The following UGGT2 variants were observed in gnomAD, a reference collection of about 807,000 sequenced individuals.
UGGT2 encodes UDP-glucose:glycoprotein glucosyltransferase 2.
Under a neutral mutation model 192.1 loss-of-function variants are expected in UGGT2, and 180 were observed. The observed-to-expected ratio is 0.94, with a 90% confidence interval of 0.83 to 1.06. UGGT2 has a LOEUF of 1.06. UGGT2 is among the 50% of genes least tolerant of loss of function. The probability of loss-of-function intolerance (pLI) is 0.00; values close to 1 mark genes in which losing one functional copy is unlikely to be tolerated. For synonymous variants in UGGT2, 580 were observed against 591.0 expected, an observed-to-expected ratio of 0.98 and a Z score of 0.27; for missense variants, 1,849 against 1,795.7, an observed-to-expected ratio of 1.03 and a Z score of -0.54.
chr13:95,945,785 A>G (rs1005991421), intron 15 of UGGT2, among the ~76,000 whole-genome samples: 6 of 152,148 alleles, frequency 3.9e-5, no homozygotes, highest in Admixed American at 6.5e-5. Context: ...CATAATATTG[A>G]TGCATATTCC....
chr13:95,890,885 G>A lies in UGGT2; in HGVS notation c.2935C>T (p.Gln979Ter). ...AIVDPLTREAQKMAQLLVVLG... is the reference protein window; with the variant it reads ...AIVDPLTREA ...ACAACCAACAACTGTGCCATTTTCT[G>A]TGCTTCTCTTGTTAATGGATCAACA... Residue 979 changes from glutamine to a stop codon, truncating the protein, a stop_gained, in exon 25 of 39, where the codon CAG becomes TAG. Transcript: ENST00000376747. LOFTEE classifies it high-confidence loss of function. The A allele has an allele frequency of 6.2e-7, 1 of 1,612,412 alleles. No individual in the cohort carries two copies. Among genetic ancestry groups the A allele is most frequent in the Non-Finnish European group, 8.5e-7 (1 of 1,179,198 alleles).
chr13:95,837,591 C>T (rs1298112997), intron 36 of UGGT2, among the ~76,000 whole-genome samples: 1 of 152,194 alleles, frequency 6.6e-6, no homozygotes, highest in Non-Finnish European at 1.5e-5. Context: ...GGTGAATTTT[C>T]ATCTCCCCAT....
At chr13:95,940,473 T>G (rs76943289) in intron 15 of UGGT2, among the ~76,000 whole-genome samples, 4 of 149,004 alleles carry the variant, frequency 2.7e-5, no homozygotes, top group Admixed American at 6.7e-5. Flanking sequence ...TTTTTTTTTT[T>G]GAGACAGGGT....
At chr13:95,816,013 G>T (rs1884852012) in intron 38 of UGGT2, among the ~76,000 whole-genome samples, 1 of 152,136 alleles carries the variant, frequency 6.6e-6, no homozygotes, top group African/African-American at 2.4e-5. Context: ...TTCCTCCAAT[G>T]TAAGACACCT....
At chr13:95,811,052 G>C (rs995540886) in intron 38 of UGGT2, among the ~76,000 whole-genome samples, 3 of 152,266 alleles carry the variant, frequency 2.0e-5, no homozygotes, top group South Asian at 4.2e-4. Flanking sequence ...AAACCACAGT[G>C]AGATACTACT....
At chr13:96,044,159 C>G (rs1049098098) in intron 1 of UGGT2, among the ~76,000 whole-genome samples, 1 of 152,140 alleles carries the variant, frequency 6.6e-6, no homozygotes, top group African/African-American at 2.4e-5. Context: ...GACATTATAT[C>G]AAACACTCTC....
At chr13:95,874,284 C>T (rs1008413000) in intron 29 of UGGT2, among the ~76,000 whole-genome samples, 1 of 152,186 alleles carries the variant, frequency 6.6e-6, no homozygotes. Flanking sequence ...TGGATAGTAC[C>T]GAACCCTAAA....
chr13:95,960,913 T>G (rs1378236543), intron 12 of UGGT2, among the ~76,000 whole-genome samples: 1 of 152,158 alleles, frequency 6.6e-6, no homozygotes, highest in African/African-American at 2.4e-5. Flanking sequence ...TGCCTGCCAG[T>G]TGAGGATACT....
At position 95,940,048 on chromosome 13, in the gene UGGT2, T is replaced by C; in HGVS notation, c.1721A>G (p.Asp574Gly). 1 of 1,577,644 alleles carries C rather than the reference T, an allele frequency of 6.3e-7. No homozygotes were observed. Among genetic ancestry groups the C allele is most frequent in the Non-Finnish European group, 8.6e-7 (1 of 1,160,814 alleles). Residue 574 changes from aspartate (D) to glycine (G), a missense_variant, in exon 16 of 39, where the codon GAC (aspartate) becomes GGC (glycine). Asp to Gly is a moderately conservative substitution (Grantham distance 94). Transcript: ENST00000376747. Reference sequence around the variant, plus strand: ...ATTTTGGAGAACACTCTTCACATTGTCCACAGTGAGTATATTTTGATCCTT... The same window carrying C: ...ATTTTGGAGAACACTCTTCACATTGCCCACAGTGAGTATATTTTGATCCTT... ...VKKDQNILTVDNVKSVLQNTF... is the reference protein window; with the variant it reads ...VKKDQNILTVGNVKSVLQNTF...
intron 12 of UGGT2, 136 bp downstream of exon 12, chr13:95,969,974 CTA>C: frequency 8.5e-6 from 7 of 828,362 alleles, no homozygotes; most frequent in Non-Finnish European, 1.3e-5. Context: ...GGAGATGGGT[CTA>C]TAGTTTGACT....
chr13:95,857,188 AT>A (rs1205410539), intron 33 of UGGT2, among the ~76,000 whole-genome samples: 1 of 152,076 alleles, frequency 6.6e-6, no homozygotes, highest in Non-Finnish European at 1.5e-5. Flanking sequence ...AAATCTTGAA[AT>A]TAGGGGTACA....
intron 36 of UGGT2, among the ~76,000 whole-genome samples, chr13:95,837,914 T>C (rs1215952892): frequency 7.7e-6 from 1 of 129,434 alleles, no homozygotes; most frequent in East Asian, 2.2e-4. Context: ...AATTTTAAGG[T>C]TCTTCTCTCA....
intron 1 of UGGT2, among the ~76,000 whole-genome samples, chr13:96,048,867 G>A (rs79618516): frequency 1.3e-5 from 2 of 152,108 alleles, no homozygotes; most frequent in Non-Finnish European, 2.9e-5. Context: ...AAAAGTCCAG[G>A]ACCAGACAGA....
chr13:95,975,114 C>A (rs191103976), intron 10 of UGGT2, among the ~76,000 whole-genome samples: 3 of 151,962 alleles, frequency 2.0e-5, no homozygotes, highest in African/African-American at 4.8e-5. Context: ...CCCCTAAATG[C>A]GGCTCTGAGT....
chr13:96,016,203 T>C (rs977367837), intron 4 of UGGT2, among the ~76,000 whole-genome samples: 1 of 152,294 alleles, frequency 6.6e-6, no homozygotes, highest in East Asian at 1.9e-4. Context: ...ACATAAAAGT[T>C]TGAAAAATTT....
intron 10 of UGGT2, 198 bp downstream of exon 10, chr13:95,983,606 A>C: frequency 1.6e-6 from 1 of 644,880 alleles, no homozygotes; most frequent in Non-Finnish European, 3.0e-6. Context: ...CTGTGAAATA[A>C]GTAGAAGGTA....
At chr13:95,923,368 C>CTTTT (rs67003679) in intron 20 of UGGT2, among the ~76,000 whole-genome samples, 5 of 119,656 alleles carry the variant, frequency 4.2e-5, no homozygotes, top group Admixed American at 9.0e-5. Context: ...TCAGCATATT[C>CTTTT]TTTTTTTTTT....
chr13:95,849,244 AT>A, intron 36 of UGGT2, among the ~76,000 whole-genome samples: 1 of 152,266 alleles, frequency 6.6e-6, no homozygotes, highest in East Asian at 1.9e-4. Context: ...CTTAAAAAAA[AT>A]TTATCTTATG....
chr13:95,866,563 C>G (rs1031484755), intron 30 of UGGT2, among the ~76,000 whole-genome samples: 2 of 152,164 alleles, frequency 1.3e-5, no homozygotes, highest in Non-Finnish European at 2.9e-5. Context: ...TTGGCTGACA[C>G]AAATTTGGGC....
Sources: gnomAD v4.1 joint callset for allele counts (sites outside exome capture counted in the v4.1 genomes callset) on GRCh38, gnomAD v4.1.1 for gene constraint, MANE v1.5 for transcripts, NCBI Gene and HGNC (gene_info 2026-07-23, HGNC 2026-07-21) for gene names.